PPARG: variants seen among roughly 807,000 people sequenced by gnomAD.
The protein encoded by PPARG is peroxisome proliferator activated receptor gamma.
A neutral mutation model predicts 39.2 loss-of-function variants in PPARG; 17 were observed. That is an observed-to-expected ratio of 0.43 (90% CI 0.30 to 0.65). The LOEUF is 0.65. PPARG is among the 30% of genes least tolerant of loss of function. PPARG has a pLI of 0.13. For synonymous variants in PPARG, 223 were observed against 215.7 expected (o/e 1.03, Z -0.30); for missense variants, 406 against 585.9 (o/e 0.69, Z 3.17).
chr3:12,377,446 G>A (rs1002486105), intron 2 of PPARG, among the ~76,000 whole-genome samples: 4 of 152,096 alleles, frequency 2.6e-5, no homozygotes, highest in African/African-American at 9.7e-5. Flanking sequence ...TTAAGAAAAG[G>A]TGTATCCACA....
chr3:12,348,723 A>G (rs530495541), intron 2 of PPARG, among the ~76,000 whole-genome samples: 2 of 152,330 alleles, frequency 1.3e-5, no homozygotes, highest in South Asian at 4.1e-4. Flanking sequence ...TCACTCTGTA[A>G]CATTACCAAG....
intron 5 of PPARG, among the ~76,000 whole-genome samples, chr3:12,405,456 A>G (rs1003905845): frequency 2.6e-5 from 4 of 152,224 alleles, no homozygotes; most frequent in Admixed American, 1.3e-4. Flanking sequence ...AATTCTGCAC[A>G]GTTTCGTATT....
chr3:12,412,464 ATCAAAATG>A (rs1360568111), intron 6 of PPARG, among the ~76,000 whole-genome samples: 1 of 152,236 alleles, frequency 6.6e-6, no homozygotes, highest in Non-Finnish European at 1.5e-5. Flanking sequence ...AAAATTGAAA[ATCAAAATG>A]TCAAAATATT....
chr3:12,305,121 C>G (rs932906207), intron 1 of PPARG, among the ~76,000 whole-genome samples: 1 of 151,768 alleles, frequency 6.6e-6, no homozygotes, highest in East Asian at 1.9e-4. Flanking sequence ...CCTGGTGTTC[C>G]CTATGTTTTC....
At chr3:12,357,782 A>C (rs553359116) in intron 2 of PPARG, among the ~76,000 whole-genome samples, 183 of 152,312 alleles carry the variant, frequency 1.2e-3, no homozygotes, top group African/African-American at 4.2e-3. Flanking sequence ...GGCTTCTATC[A>C]CACAATTTAG....
At chr3:12,357,036 A>G (rs2048688471) in intron 2 of PPARG, among the ~76,000 whole-genome samples, 1 of 152,100 alleles carries the variant, frequency 6.6e-6, no homozygotes, top group Admixed American at 6.6e-5. Flanking sequence ...TGCCGCTTCC[A>G]CTGCCTTCAG....
At chr3:12,359,674 CTT>C (rs71628752) in intron 2 of PPARG, among the ~76,000 whole-genome samples, 21 of 129,794 alleles carry the variant, frequency 1.6e-4, no homozygotes, top group Admixed American at 3.9e-4. Flanking sequence ...TCTTTTATTT[CTT>C]TTTTTTTTTT....
At chr3:12,400,734 C>T (rs1013106868) in intron 5 of PPARG, among the ~76,000 whole-genome samples, 4 of 152,116 alleles carry the variant, frequency 2.6e-5, no homozygotes, top group African/African-American at 7.2e-5. Flanking sequence ...AAAAAGAGAG[C>T]AGAGCATTTT....
intron 2 of PPARG, among the ~76,000 whole-genome samples, chr3:12,368,229 TG>T (rs2049087790): frequency 6.8e-6 from 1 of 147,364 alleles, no homozygotes; most frequent in Non-Finnish European, 1.5e-5. Context: ...TTGCCCAGGC[TG>T]GAGTGCACTG....
intron 6 of PPARG, among the ~76,000 whole-genome samples, chr3:12,414,159 A>G (rs1253174712): frequency 6.6e-6 from 1 of 152,224 alleles, no homozygotes; most frequent in Non-Finnish European, 1.5e-5. Context: ...CAAGAAGCCA[A>G]ATGGTTGAGC....
intron 2 of PPARG, among the ~76,000 whole-genome samples, chr3:12,379,075 C>T (rs184777997): frequency 5.9e-5 from 9 of 151,640 alleles, no homozygotes; most frequent in East Asian, 1.9e-4. Flanking sequence ...GGTGTGATCT[C>T]ACCTTACTGC....
intron 7 of PPARG, among the ~76,000 whole-genome samples, chr3:12,421,167 C>T (rs990720433): frequency 6.6e-6 from 1 of 152,192 alleles, no homozygotes; most frequent in Non-Finnish European, 1.5e-5. Flanking sequence ...TCCTAACTGT[C>T]CCCTCTGGCC....
upstream of PPARG, chr3:12,287,375 A>G: frequency 6.6e-6 from 1 of 152,282 alleles, no homozygotes; most frequent in Non-Finnish European, 1.5e-5. Flanking sequence ...TGTAACTTAC[A>G]AACGCAAGGA....
chr3:12,376,594 A>G (rs2049420944), intron 2 of PPARG, among the ~76,000 whole-genome samples: 1 of 152,086 alleles, frequency 6.6e-6, no homozygotes. Flanking sequence ...GAGGACCTTG[A>G]ACAATTCACT....
At chr3:12,349,754 G>A (rs2048427686) in intron 2 of PPARG, among the ~76,000 whole-genome samples, 2 of 152,192 alleles carry the variant, frequency 1.3e-5, no homozygotes, top group South Asian at 4.1e-4. Context: ...ATGTCAGAAT[G>A]TGGTGGGTGC....
rs141521712 is a variant in PPARG at position 12,290,265 on chromosome 3, C to T, written c.-83+1131C>T. ...AACAATAACTGCTGTAAAACCATGGCATCAGTGAGGTATAAAGTTTTGTAG... is the reference window on the plus strand; with the variant it reads ...AACAATAACTGCTGTAAAACCATGGTATCAGTGAGGTATAAAGTTTTGTAG... On this transcript the variant is annotated intron_variant, in intron 1 of 7. Coordinates refer to ENST00000651735, the MANE Select transcript of PPARG (RefSeq NM_138711.6). 5.4e-3 allele frequency among the ~76,000 whole-genome samples: 824 copies of T among 152,106 alleles called. 6 individuals carry two copies. Among genetic ancestry groups the T allele is most frequent in the African/African-American group, 0.019 (777 of 41,532 alleles).
In PPARG at chr3:12,405,884, A is replaced by G. The variant is rs765346374; in HGVS notation, c.532A>G (p.Ile178Val). The change falls in exon 6 of 8, where the codon ATC becomes GTC. Residue 178 changes from isoleucine to valine, a missense_variant and splice_region_variant. Physicochemically the swap from Ile to Val is conservative, Grantham distance 29 (BLOSUM62 3). Coordinates refer to ENST00000651735, the MANE Select transcript of PPARG (RefSeq NM_138711.6). ...CTGTCATTCCTCTTCCTCTATAGCC[A>G]TCAGGTTTGGGCGGATGCCACAGGC... ...CLAVGMSHNAIRFGRMPQAEK... is the reference protein window; with the variant it reads ...CLAVGMSHNAVRFGRMPQAEK... 1.9e-6 allele frequency: 3 copies of G among 1,613,600 alleles called. No homozygotes were observed. Among genetic ancestry groups the G allele is most frequent in the South Asian group, 2.2e-5 (2 of 91,070 alleles).
In PPARG at chr3:12,315,241, C is replaced by T. The variant is rs372475725; in HGVS notation, c.-9+2788C>T. Among the ~76,000 whole-genome samples, 30 of 152,328 alleles carry T rather than the reference C, an allele frequency of 2.0e-4. No homozygotes were observed. The East Asian group carries it at 4.2e-3, about 22-fold the overall frequency. On this transcript the variant is annotated intron_variant, in intron 2 of 7. Coordinates refer to ENST00000651735, the MANE Select transcript of PPARG (RefSeq NM_138711.6). The stretch of plus-strand genomic sequence containing the variant: ...CTTATTTCACTTAACATAATCACCA[C>T]CAAGCTCATCCATGTTGTCATGAAT...
At chr3:12,402,224 CA>C (rs1224198421) in intron 5 of PPARG, among the ~76,000 whole-genome samples, 1 of 152,146 alleles carries the variant, frequency 6.6e-6, no homozygotes, top group Non-Finnish European at 1.5e-5. Flanking sequence ...TGTGAAATAA[CA>C]AAAGTTCAGG....
Sources: gnomAD v4.1 joint callset for allele counts (sites outside exome capture counted in the v4.1 genomes callset) on GRCh38, gnomAD v4.1.1 for gene constraint, MANE v1.5 for transcripts, NCBI Gene and HGNC (gene_info 2026-07-23, HGNC 2026-07-21) for gene names.